AUH: variants seen among roughly 807,000 people sequenced by gnomAD.
AUH encodes AU RNA binding methylglutaconyl-CoA hydratase.
A neutral mutation model predicts 42.3 loss-of-function variants in AUH; 29 were observed. That is an observed-to-expected ratio of 0.69 (90% CI 0.51 to 0.93). The LOEUF (loss-of-function observed/expected upper bound fraction) is 0.93. Ranked by LOEUF, AUH falls within the 40% of genes least tolerant of loss-of-function variation. The probability of loss-of-function intolerance (pLI) is 0.00; values close to 1 mark genes in which losing one functional copy is unlikely to be tolerated. For missense variants in AUH, 452 were observed against 438.1 expected (o/e 1.03, Z -0.28); for synonymous variants, 174 against 166.4 (o/e 1.05, Z -0.35).
At chr9:91,280,461 G>A (rs937717952) in intron 6 of AUH, among the ~76,000 whole-genome samples, 1 of 151,954 alleles carries the variant, frequency 6.6e-6, no homozygotes, top group African/African-American at 2.4e-5. Context: ...TTAAAAATGA[G>A]AGCAATAAAC....
chr9:91,280,121 A>C (rs906219078), intron 6 of AUH, among the ~76,000 whole-genome samples: 19 of 152,188 alleles, frequency 1.2e-4, no homozygotes, highest in African/African-American at 4.1e-4. Context: ...GGTTTGTAAA[A>C]AGTGAATTCA....
chr9:91,296,761 C>T (rs77822042), intron 5 of AUH, among the ~76,000 whole-genome samples: 10,891 of 152,184 alleles, frequency 0.072, 675 homozygotes, highest in East Asian at 0.26. Context: ...AAAATAGGTT[C>T]CTAAAATGAA....
intron 1 of AUH, among the ~76,000 whole-genome samples, chr9:91,359,010 T>A (rs1465969569): frequency 2.0e-5 from 3 of 152,166 alleles, no homozygotes; most frequent in Non-Finnish European, 4.4e-5. Flanking sequence ...CCTCCTCACA[T>A]AACCTAGAAA....
chr9:91,321,508 A>T (rs1972090), intron 4 of AUH, among the ~76,000 whole-genome samples: 87,520 of 151,976 alleles, frequency 0.58, 28,700 homozygotes, highest in East Asian at 0.95. Context: ...AAGCTTTATG[A>T]CTCCAAAAAG....
intron 6 of AUH, among the ~76,000 whole-genome samples, chr9:91,236,900 C>T (rs1341591992): frequency 6.6e-6 from 1 of 152,088 alleles, no homozygotes; most frequent in African/African-American, 2.4e-5. Context: ...CCAAAAGCTC[C>T]AATCAATTTC....
At chr9:91,316,822 T>G (rs1375102414) in intron 4 of AUH, among the ~76,000 whole-genome samples, 1 of 152,264 alleles carries the variant, frequency 6.6e-6, no homozygotes, top group East Asian at 1.9e-4. Context: ...TCCCAGTCTG[T>G]GTCTTTTCTT....
chr9:91,323,990 C>T (rs930441569), intron 4 of AUH, among the ~76,000 whole-genome samples: 6 of 151,848 alleles, frequency 4.0e-5, no homozygotes, highest in Admixed American at 2.0e-4. Flanking sequence ...CGAGAATCAA[C>T]AGAGAAAACC....
At chr9:91,305,156 G>A (rs1017920613) in intron 4 of AUH, among the ~76,000 whole-genome samples, 7 of 152,086 alleles carry the variant, frequency 4.6e-5, no homozygotes, top group African/African-American at 1.4e-4. Context: ...AATTAGAAGA[G>A]AACACCTATA....
intron 1 of AUH, among the ~76,000 whole-genome samples, chr9:91,359,575 GA>G (rs1320775643): frequency 1.3e-5 from 2 of 148,154 alleles, no homozygotes; most frequent in Non-Finnish European, 1.5e-5. Flanking sequence ...CATCTCAAAA[GA>G]AAAAAAAAGA....
At chr9:91,346,302 G>C (rs927476663) in intron 3 of AUH, among the ~76,000 whole-genome samples, 2 of 152,084 alleles carry the variant, frequency 1.3e-5, no homozygotes, top group East Asian at 3.9e-4. Flanking sequence ...AATGGCTAAT[G>C]ATGTAATCAA....
At chr9:91,309,220 G>C (rs1465871344) in intron 4 of AUH, among the ~76,000 whole-genome samples, 1 of 151,852 alleles carries the variant, frequency 6.6e-6, no homozygotes, top group Non-Finnish European at 1.5e-5. Flanking sequence ...CAACCCATGA[G>C]GGATCCACTC....
intron 6 of AUH, among the ~76,000 whole-genome samples, chr9:91,276,064 C>T (rs1053426649): frequency 6.6e-6 from 1 of 152,080 alleles, no homozygotes; most frequent in South Asian, 2.1e-4. Context: ...ATATCAAATA[C>T]AAATTTCCTT....
intron 6 of AUH, among the ~76,000 whole-genome samples, chr9:91,282,854 C>T (rs536902259): frequency 8.4e-4 from 128 of 152,172 alleles, no homozygotes; most frequent in Non-Finnish European, 1.5e-3. Context: ...CAGGACCAGA[C>T]GGATTCACAG....
rs531338819 is a variant in AUH at position 91,270,026 on chromosome 9, C to T, written c.655+25995G>A. 4.6e-5 allele frequency among the ~76,000 whole-genome samples: 7 copies of T among 152,236 alleles called. No homozygotes were observed. The South Asian group carries it at 6.2e-4, about 14-fold the overall frequency. ...TGGCATCAAACTCTATCAAGTGAGC[C>T]AGAAGAACACTTTTACTAAAATTAA... On this transcript the variant is annotated intron_variant, in intron 6 of 9. Transcript: ENST00000375731.
chr9:91,293,974 CTAAGT>C (rs1158866782), intron 6 of AUH, among the ~76,000 whole-genome samples: 2 of 152,190 alleles, frequency 1.3e-5, no homozygotes, highest in African/African-American at 4.8e-5. Context: ...AAGAACTATG[CTAAGT>C]TAACTCTGCT....
At chr9:91,291,461 C>T (rs548345739) in intron 6 of AUH, among the ~76,000 whole-genome samples, 227 of 152,312 alleles carry the variant, frequency 1.5e-3, no homozygotes, top group Non-Finnish European at 2.7e-3. Flanking sequence ...CTAAATTTTG[C>T]TTTATTTCAC....
chr9:91,287,639 T>C (rs1037990087), intron 6 of AUH, among the ~76,000 whole-genome samples: 2 of 152,080 alleles, frequency 1.3e-5, no homozygotes, highest in Non-Finnish European at 2.9e-5. Context: ...TAAATTAGTG[T>C]TATAGAAAAC....
In AUH at chr9:91,244,902, G is replaced by A. The variant is rs150908216; in HGVS notation, c.656-23910C>T. On this transcript the variant is annotated intron_variant, in intron 6 of 9. Transcript: ENST00000375731. ...TGCAGAGGTTAAAGGTTAAAAGTAA[G>A]CCATACTGTCAGTATTTTAAATGAA... is the stretch of plus-strand genomic sequence containing the variant. 2.5e-3 allele frequency among the ~76,000 whole-genome samples: 375 copies of A among 152,288 alleles called. 2 individuals carry two copies. The highest frequency in any genetic ancestry group is 3.9e-3 in the Non-Finnish European group (268 of 68,012).
At chr9:91,226,434 G>A (rs1341158912) in intron 6 of AUH, among the ~76,000 whole-genome samples, 62 of 143,422 alleles carry the variant, frequency 4.3e-4, no homozygotes, top group South Asian at 1.4e-3. Flanking sequence ...TGAGTTCATT[G>A]TAGATTCTGG....
Sources: allele counts gnomAD v4.1 joint callset (sites outside exome capture counted in the v4.1 genomes callset), GRCh38; gene constraint gnomAD v4.1.1; transcripts MANE v1.5; gene names NCBI Gene and HGNC (gene_info 2026-07-23, HGNC 2026-07-21).